Variants in COMMD10 observed in about 807,000 individuals in gnomAD.
COMMD10 encodes the protein COMM domain-containing protein 10.
In COMMD10, 33 loss-of-function variants were observed where a neutral mutation model predicts 28.9. That is an observed-to-expected ratio of 1.14 (90% CI 0.87 to 1.53). COMMD10 has a LOEUF of 1.53. Ranked by LOEUF, COMMD10 falls within the 40% of genes most tolerant of loss-of-function variation. The pLI is 0.00. For synonymous variants in COMMD10, 110 were observed against 81.7 expected (o/e 1.35, Z -1.87); for missense variants, 310 against 233.4 (o/e 1.33, Z -2.14).
intron 5 of COMMD10, among the ~76,000 whole-genome samples, chr5:116,165,311 A>AT (rs1753052596): frequency 6.6e-6 from 1 of 152,068 alleles, no homozygotes; most frequent in African/African-American, 2.4e-5. Context: ...GATAATGCAT[A>AT]TTTTTGGTAA....
At chr5:116,199,484 C>T (rs929299543) in intron 5 of COMMD10, among the ~76,000 whole-genome samples, 1 of 152,048 alleles carries the variant, frequency 6.6e-6, no homozygotes, top group African/African-American at 2.4e-5. Context: ...CAGCTTGTCA[C>T]TTCTTTCTTT....
chr5:116,185,251 C>G (rs1748099793), intron 5 of COMMD10, among the ~76,000 whole-genome samples: 1 of 151,810 alleles, frequency 6.6e-6, no homozygotes, highest in East Asian at 1.9e-4. Flanking sequence ...TCAGTTTGAA[C>G]AAAAATGGTC....
intron 5 of COMMD10, among the ~76,000 whole-genome samples, chr5:116,150,204 C>G (rs1411074403): frequency 6.6e-6 from 1 of 152,094 alleles, no homozygotes; most frequent in Non-Finnish European, 1.5e-5. Flanking sequence ...CTGTTCTGTT[C>G]CATTGATCTA....
At chr5:116,167,172 G>T (rs976262773) in intron 5 of COMMD10, among the ~76,000 whole-genome samples, 42 of 151,912 alleles carry the variant, frequency 2.8e-4, no homozygotes, top group African/African-American at 9.9e-4. Flanking sequence ...TGATGGAGCT[G>T]AAAAACACAG....
At chr5:116,182,041 A>G (rs568278227) in intron 5 of COMMD10, among the ~76,000 whole-genome samples, 45 of 152,094 alleles carry the variant, frequency 3.0e-4, no homozygotes, top group Admixed American at 7.9e-4. Flanking sequence ...TGTCATGTGA[A>G]GGACAAGAAC....
At chr5:116,158,215 T>C (rs1198391119) in intron 5 of COMMD10, among the ~76,000 whole-genome samples, 1 of 142,118 alleles carries the variant, frequency 7.0e-6, no homozygotes, top group South Asian at 2.5e-4. Context: ...GTCTCCCCTC[T>C]CTCCGTCTCC....
At chr5:116,248,782 T>C (rs1281195327) in intron 5 of COMMD10, among the ~76,000 whole-genome samples, 1 of 151,940 alleles carries the variant, frequency 6.6e-6, no homozygotes, top group Non-Finnish European at 1.5e-5. Context: ...GTGAAGCAAC[T>C]CATGTATGTT....
At position 116,290,535 on chromosome 5, in the gene COMMD10, T is replaced by C. The variant is rs532294391; in HGVS notation, c.511-982T>C. Among the ~76,000 whole-genome samples, 255 of 151,914 alleles carry C rather than the reference T, an allele frequency of 1.7e-3. 2 individuals carry two copies. Among genetic ancestry groups the C allele is most frequent in the African/African-American group, 5.8e-3 (240 of 41,280 alleles). ...GAAATGTCGGCTTTGTAAATAGAAA[T>C]GGAAATCATTAAAACAGATAAAAGT... On this transcript the variant is annotated intron_variant, in intron 5 of 6. Transcript: ENST00000274458.
intron 5 of COMMD10, among the ~76,000 whole-genome samples, chr5:116,275,394 A>G (rs1750878635): frequency 6.6e-6 from 1 of 151,828 alleles, no homozygotes; most frequent in African/African-American, 2.4e-5. Flanking sequence ...CAGATTAGAT[A>G]TCAGTTCTAC....
chr5:116,204,080 G>A (rs146851619), intron 5 of COMMD10, among the ~76,000 whole-genome samples: 1 of 151,840 alleles, frequency 6.6e-6, no homozygotes, highest in African/African-American at 2.4e-5. Context: ...AAAAAGGCAG[G>A]GGTTGCATCC....
intron 4 of COMMD10, among the ~76,000 whole-genome samples, chr5:116,101,484 T>C (rs1315442905): frequency 6.6e-6 from 1 of 152,172 alleles, no homozygotes; most frequent in African/African-American, 2.4e-5. Context: ...TGGATTGCAA[T>C]GGTGTGACCT....
chr5:116,090,942 T>C (rs1750274489), intron 2 of COMMD10, 137 bp from the exon 3 acceptor site: 1 of 551,838 alleles, frequency 1.8e-6, no homozygotes. Flanking sequence ...TAAATTTACA[T>C]GCACATCAGT....
intron 5 of COMMD10, among the ~76,000 whole-genome samples, chr5:116,145,782 G>C (rs148914081): frequency 2.6e-3 from 389 of 151,866 alleles, no homozygotes; most frequent in Non-Finnish European, 4.4e-3. Context: ...TGTTTTATAA[G>C]GGGCTCTTAC....
intron 5 of COMMD10, among the ~76,000 whole-genome samples, chr5:116,271,413 A>G (rs1404539641): frequency 1.3e-5 from 2 of 150,512 alleles, no homozygotes; most frequent in African/African-American, 4.9e-5. Context: ...CCCAAATAGA[A>G]GTTAGGGTGT....
At chr5:116,276,178 C>G (rs1669135) in intron 5 of COMMD10, among the ~76,000 whole-genome samples, 75,958 of 151,090 alleles carry the variant, frequency 0.5, 22,211 homozygotes, top group Non-Finnish European at 0.65. Flanking sequence ...TAAGACATTG[C>G]CAGAAAGAAA....
chr5:116,183,755 C>A (rs756843665), intron 5 of COMMD10, among the ~76,000 whole-genome samples: 4 of 151,884 alleles, frequency 2.6e-5, no homozygotes, highest in Non-Finnish European at 2.9e-5. Flanking sequence ...TTTTGGGTTA[C>A]CTGGATAGCT....
intron 5 of COMMD10, among the ~76,000 whole-genome samples, chr5:116,254,617 A>T (rs368138468): frequency 2.8e-4 from 42 of 151,584 alleles, no homozygotes; most frequent in African/African-American, 9.2e-4. Context: ...TTTGAGTGAG[A>T]TTCTTAATCC....
chr5:116,276,197 T>C (rs1750906528), intron 5 of COMMD10, among the ~76,000 whole-genome samples: 1 of 151,564 alleles, frequency 6.6e-6, no homozygotes, highest in Non-Finnish European at 1.5e-5. Context: ...AAAATAAAAA[T>C]TAATTTCAAA....
At chr5:116,276,599 T>A (rs1580605687) in intron 5 of COMMD10, among the ~76,000 whole-genome samples, 1 of 151,858 alleles carries the variant, frequency 6.6e-6, no homozygotes, top group East Asian at 1.9e-4. Flanking sequence ...TATTATGTTT[T>A]TGTGTCATAC....
Sources: allele counts gnomAD v4.1 joint callset (sites outside exome capture counted in the v4.1 genomes callset), GRCh38; gene constraint gnomAD v4.1.1; transcripts MANE v1.5; gene names NCBI Gene and HGNC (gene_info 2026-07-23, HGNC 2026-07-21).